The following RGS3 variants were observed in gnomAD, a reference collection of about 807,000 sequenced individuals.
RGS3 encodes the protein regulator of G-protein signalling 3.
Under a neutral mutation model 132.6 loss-of-function variants are expected in RGS3, and 80 were observed. That is an observed-to-expected ratio of 0.60 (90% CI 0.50 to 0.73). The LOEUF is 0.73. RGS3 is among the 30% of genes least tolerant of loss of function. RGS3 has a pLI of 0.00. For missense variants in RGS3, 1,382 were observed against 1,530.8 expected, an observed-to-expected ratio of 0.90 and a Z score of 1.62; for synonymous variants, 598 against 620.6, an observed-to-expected ratio of 0.96 and a Z score of 0.54.
chr9:113,576,057 G>A (rs1229254653), intron 19 of RGS3, among the ~76,000 whole-genome samples: 1 of 151,856 alleles, frequency 6.6e-6, no homozygotes, highest in African/African-American at 2.4e-5. Context: ...AAAATTAGCC[G>A]GGCGTGGTGG....
intron 15 of RGS3, 50 bp from the exon 14 acceptor site, chr9:113,517,491 C>T (rs372594527): frequency 2.7e-6 from 4 of 1,474,202 alleles, no homozygotes; most frequent in Middle Eastern, 4.6e-4. Flanking sequence ...CCCCCCGGGT[C>T]CTCACCCAGC....
chr9:113,531,683 A>G (rs1465636818), intron 18 of RGS3, among the ~76,000 whole-genome samples: 3 of 152,218 alleles, frequency 2.0e-5, no homozygotes, highest in Non-Finnish European at 4.4e-5. Context: ...ACAGTTATAC[A>G]AATATGGTAA....
At chr9:113,486,130 G>A (rs1225876152) in intron 7 of RGS3, among the ~76,000 whole-genome samples, 2 of 152,186 alleles carry the variant, frequency 1.3e-5, no homozygotes, top group South Asian at 2.1e-4. Context: ...GCATATAGAT[G>A]TTTATTAGAT....
intron 1 of RGS3, among the ~76,000 whole-genome samples, chr9:113,447,711 G>A (rs1229340760): frequency 1.3e-5 from 2 of 151,804 alleles, no homozygotes. Flanking sequence ...TCTTTTTATG[G>A]TCCATCTGAA....
intron 14 of RGS3, among the ~76,000 whole-genome samples, chr9:113,509,316 G>A (rs759006191): frequency 6.6e-6 from 1 of 151,888 alleles, no homozygotes. Flanking sequence ...CCCTCGCTGA[G>A]CCTCAGTTTC....
chr9:113,491,212 A>T (rs1255501621), intron 7 of RGS3, among the ~76,000 whole-genome samples: 1 of 147,368 alleles, frequency 6.8e-6, no homozygotes, highest in African/African-American at 2.5e-5. Flanking sequence ...TTATTTATAT[A>T]TGTAATTAAA....
intron 18 of RGS3, among the ~76,000 whole-genome samples, chr9:113,531,538 T>C (rs2118557772): frequency 6.6e-6 from 1 of 152,342 alleles, no homozygotes. Context: ...GTAGCTATTG[T>C]TATTGTCAGT....
chr9:113,465,847 A>T (rs1345564900), intron 3 of RGS3, among the ~76,000 whole-genome samples: 1 of 152,194 alleles, frequency 6.6e-6, no homozygotes, highest in Non-Finnish European at 1.5e-5. Context: ...AAGGATGCTT[A>T]TGAGAGCATT....
intron 1 of RGS3, among the ~76,000 whole-genome samples, chr9:113,461,554 G>C (rs1208502266): frequency 1.3e-5 from 2 of 152,210 alleles, no homozygotes; most frequent in African/African-American, 4.8e-5. Context: ...AGAGGGGCCA[G>C]CTCAGGATCA....
At chr9:113,556,983 CTCT>C (rs1833594472) in intron 19 of RGS3, among the ~76,000 whole-genome samples, 1 of 152,220 alleles carries the variant, frequency 6.6e-6, no homozygotes, top group Non-Finnish European at 1.5e-5. Flanking sequence ...GCTGCGATGA[CTCT>C]TCTTATAGAA....
At chr9:113,574,568 C>T (rs1398096027) in intron 19 of RGS3, among the ~76,000 whole-genome samples, 5 of 152,222 alleles carry the variant, frequency 3.3e-5, no homozygotes, top group Non-Finnish European at 5.9e-5. Flanking sequence ...ATAAGCCAGA[C>T]ATGATCCTGA....
intron 7 of RGS3, among the ~76,000 whole-genome samples, chr9:113,490,233 A>G (rs1037758192): frequency 3.9e-5 from 6 of 152,198 alleles, no homozygotes; most frequent in African/African-American, 1.4e-4. Flanking sequence ...AGAGGTAGAA[A>G]GTATCATATA....
intron 10 of RGS3, among the ~76,000 whole-genome samples, chr9:113,502,061 T>C (rs1179249009): frequency 6.6e-6 from 1 of 152,202 alleles, no homozygotes; most frequent in Non-Finnish European, 1.5e-5. Flanking sequence ...GGTGTTTTCG[T>C]GTATATGTAC....
Position 113,506,420 on chromosome 9 carries a change from C to A in RGS3, c.1012C>A (p.Leu338Met). 6.3e-7 allele frequency: 1 copy of A among 1,595,602 alleles called. No individual in the cohort carries two copies. Among genetic ancestry groups the A allele is most frequent in the Non-Finnish European group, 8.5e-7 (1 of 1,172,610 alleles). ...GGCGGAACGGGCAGGGCTGCAGCAG[C>A]TGGACACGGTGCTGCAGCTGAATGA... is the stretch of plus-strand genomic sequence containing the variant. The change falls in exon 12 of 25, where the codon CTG becomes ATG. Residue 338 changes from leucine to methionine, a missense_variant. Leu to Met is a conservative substitution (Grantham distance 15). Transcript: ENST00000350696. The surrounding 1 kb of genome is among the most constrained non-coding windows in gnomAD (Gnocchi z 4.7).
rs187985720 is a variant in RGS3 at position 113,567,542 on chromosome 9, A to T, written c.2038-15908A>T. ...GCCTGGCATAGAGGGCCTGTCGGGG[A>T]GCCCCTTTAGGAGAGGCCTAGGCTC... On this transcript the variant is annotated intron_variant, in intron 19 of 24. Transcript: ENST00000350696. 6.6e-4 allele frequency among the ~76,000 whole-genome samples: 100 copies of T among 152,190 alleles called. No homozygotes were observed. The Middle Eastern group carries it at 0.01, about 16-fold the overall frequency.
At chr9:113,467,474 A>C (rs1051185089) in intron 3 of RGS3, among the ~76,000 whole-genome samples, 1 of 152,142 alleles carries the variant, frequency 6.6e-6, no homozygotes, top group African/African-American at 2.4e-5. Context: ...CATTTTCCTG[A>C]TGACCCGTGA....
chr9:113,456,860 C>T (rs555661738), upstream of RGS3, among the ~76,000 whole-genome samples: 11 of 152,060 alleles, frequency 7.2e-5, no homozygotes, highest in Admixed American at 2.6e-4. Flanking sequence ...GAGTACAATG[C>T]GATGATCTCA....
Position 113,541,283 on chromosome 9 carries a change from G to T in RGS3, c.2037+4365G>T. The T allele has an allele frequency of 1.9e-6, 3 of 1,602,818 alleles. No individual in the cohort carries two copies. In the South Asian group the frequency reaches 3.4e-5, roughly 18 times the overall value. On this transcript the variant is annotated intron_variant, in intron 19 of 24. Transcript: ENST00000350696. ...GCAGTCAGGCAGCCCGGCCTGAGTA[G>T]ACAGCGAGCTAATTCCAGTTCTGTC...
chr9:113,544,299 GTT>G (rs572535036), intron 19 of RGS3, among the ~76,000 whole-genome samples: 8 of 133,390 alleles, frequency 6.0e-5, no homozygotes, highest in African/African-American at 8.3e-5. Flanking sequence ...CCATTTTCAT[GTT>G]TTTTTTTTTT....
Sources: gnomAD v4.1 joint callset for allele counts (sites outside exome capture counted in the v4.1 genomes callset) on GRCh38, gnomAD v4.1.1 for gene constraint, Gnocchi (gnomAD v3.1) non-coding constraint, MANE v1.5 for transcripts, NCBI Gene and HGNC (gene_info 2026-07-23, HGNC 2026-07-21) for gene names.